PALLD: variants seen among roughly 807,000 people sequenced by gnomAD.
The protein encoded by PALLD is palladin, cytoskeletal associated protein.
Under a neutral mutation model 123.5 loss-of-function variants are expected in PALLD, and 61 were observed. That is an observed-to-expected ratio of 0.49 (90% CI 0.40 to 0.61). The LOEUF (loss-of-function observed/expected upper bound fraction) is 0.61, where lower values mean the gene tolerates loss of function less well. Ranked by LOEUF, PALLD falls within the 20% of genes least tolerant of loss-of-function variation. PALLD has a pLI of 0.00. For synonymous variants in PALLD, 465 were observed against 496.4 expected (o/e 0.94, Z 0.84); for missense variants, 1,273 against 1,377.0 (o/e 0.92, Z 1.20).
chr4:168,654,736 C>A (rs1234795667), intron 2 of PALLD: 1 of 152,256 alleles, frequency 6.6e-6, no homozygotes, highest in Non-Finnish European at 1.5e-5. Context: ...TGCTGCAGCT[C>A]TGCATAACCA....
chr4:168,770,792 C>T (rs1345089191), intron 10 of PALLD, among the ~76,000 whole-genome samples: 1 of 152,200 alleles, frequency 6.6e-6, no homozygotes, highest in Non-Finnish European at 1.5e-5. Context: ...GGCGCCATGG[C>T]TCACCCCTGT....
chr4:168,756,132 T>C (rs960073598), intron 10 of PALLD: 6 of 175,160 alleles, frequency 3.4e-5, no homozygotes, highest in Admixed American at 1.9e-4. Context: ...TGCAGGAGAA[T>C]AGCTCTATTG....
intron 2 of PALLD, among the ~76,000 whole-genome samples, chr4:168,549,430 A>G (rs755077964): frequency 7.9e-5 from 12 of 152,224 alleles, no homozygotes; most frequent in Non-Finnish European, 1.5e-4. Context: ...CAGTTTATAT[A>G]TTTAAATGCT....
At chr4:168,595,168 T>C (rs1711799665) in intron 2 of PALLD, among the ~76,000 whole-genome samples, 1 of 152,180 alleles carries the variant, frequency 6.6e-6, no homozygotes, top group South Asian at 2.1e-4. Flanking sequence ...GGATAAGTTG[T>C]GGTGGGGCCT....
At chr4:168,720,881 G>A (rs1271315901) in intron 10 of PALLD, among the ~76,000 whole-genome samples, 2 of 152,124 alleles carry the variant, frequency 1.3e-5, no homozygotes, top group Non-Finnish European at 1.5e-5. Flanking sequence ...TAACATTTAG[G>A]TGCATTCATC....
chr4:168,920,998 G>T (rs566481677), intron 17 of PALLD, among the ~76,000 whole-genome samples: 2 of 152,006 alleles, frequency 1.3e-5, no homozygotes, highest in Admixed American at 1.3e-4. Context: ...ATCCCATCTC[G>T]GTCTTCTCTA....
intron 2 of PALLD, chr4:168,648,700 A>G (rs1183317406): frequency 1.3e-5 from 2 of 152,236 alleles, no homozygotes; most frequent in African/African-American, 2.4e-5. Flanking sequence ...GGTGGAAGGC[A>G]CTATTGTTGC....
intron 10 of PALLD, among the ~76,000 whole-genome samples, chr4:168,777,593 T>C (rs1397959388): frequency 6.6e-6 from 1 of 152,178 alleles, no homozygotes; most frequent in Non-Finnish European, 1.5e-5. Flanking sequence ...AAGGCCACAA[T>C]ACCCAACTAA....
At chr4:168,619,279 G>T (rs1774520422) in intron 2 of PALLD, among the ~76,000 whole-genome samples, 1 of 152,238 alleles carries the variant, frequency 6.6e-6, no homozygotes, top group South Asian at 2.1e-4. Context: ...CCATGTAAGT[G>T]TGAAGGGGCT....
At chr4:168,786,269 A>T (rs1027430867) in intron 10 of PALLD, among the ~76,000 whole-genome samples, 1 of 152,118 alleles carries the variant, frequency 6.6e-6, no homozygotes, top group Non-Finnish European at 1.5e-5. Flanking sequence ...TAGAAGTTGC[A>T]GTGAGCCGAG....
intron 10 of PALLD, among the ~76,000 whole-genome samples, chr4:168,874,271 T>C (rs1553964309): frequency 6.6e-6 from 1 of 152,174 alleles, no homozygotes; most frequent in Non-Finnish European, 1.5e-5. Context: ...GGACAGTGTT[T>C]TTAGTGTGGT....
intron 10 of PALLD, among the ~76,000 whole-genome samples, chr4:168,777,708 C>T (rs1445044681): frequency 6.6e-6 from 1 of 152,166 alleles, no homozygotes; most frequent in Admixed American, 6.5e-5. Flanking sequence ...GAAAATACTT[C>T]CTCCTCCCAG....
At chr4:168,603,369 A>G (rs928710515) in intron 2 of PALLD, among the ~76,000 whole-genome samples, 3 of 152,214 alleles carry the variant, frequency 2.0e-5, no homozygotes, top group Non-Finnish European at 2.9e-5. Context: ...TATATCATAA[A>G]GTACTTTAAG....
In PALLD at chr4:168,590,538, C is replaced by T. The variant is rs78560116; in HGVS notation, c.909-77652C>T. ...GTATAATAATGGCACAACAAGAATT[C>T]ACTTCTACTTGTATCATCTATTAAA... On this transcript the variant is annotated intron_variant, in intron 2 of 21. Transcript: ENST00000505667. 5.3e-5 allele frequency among the ~76,000 whole-genome samples: 8 copies of T among 152,306 alleles called. No homozygotes were observed. In the East Asian group the frequency reaches 1.4e-3, roughly 26 times the overall value.
At chr4:168,731,757 A>G (rs556883797) in intron 10 of PALLD, among the ~76,000 whole-genome samples, 8 of 152,358 alleles carry the variant, frequency 5.3e-5, no homozygotes, top group South Asian at 2.1e-4. Flanking sequence ...CTGACCAATT[A>G]GAAGTTTTTG....
At chr4:168,753,388 C>G (rs1399222667) in intron 10 of PALLD, among the ~76,000 whole-genome samples, 1 of 151,136 alleles carries the variant, frequency 6.6e-6, no homozygotes, top group Non-Finnish European at 1.5e-5. Context: ...GTCTCTCTCT[C>G]TCCCCCGACC....
intron 11 of PALLD, chr4:168,894,285 A>T: frequency 5.0e-6 from 2 of 403,834 alleles, no homozygotes; most frequent in Non-Finnish European, 9.1e-6. Flanking sequence ...CATGTTTTTC[A>T]TTAAGGACAT....
chr4:168,734,089 C>T (rs113753633), intron 10 of PALLD, among the ~76,000 whole-genome samples: 4 of 152,132 alleles, frequency 2.6e-5, no homozygotes, highest in African/African-American at 9.7e-5. Flanking sequence ...TCCTGAGTAT[C>T]TGAGATATCG....
Position 168,676,852 on chromosome 4 carries a change from T to G in PALLD, c.1088-4480T>G, listed in dbSNP as rs1488727751. Among the ~76,000 whole-genome samples the G allele has an allele frequency of 3.9e-5, 6 of 152,228 alleles. 1 individual carries two copies. The highest frequency in any genetic ancestry group is 4.1e-4 in the South Asian group (2 of 4,822). ...CCTCGGCCTCCCAAAGTGCTGGGATTACAGGTGTGAGCCACCGCGCCCAGC... is the reference window on the plus strand; with the variant it reads ...CCTCGGCCTCCCAAAGTGCTGGGATGACAGGTGTGAGCCACCGCGCCCAGC... On this transcript the variant is annotated intron_variant, in intron 3 of 21. Transcript: ENST00000505667.
Sources: gnomAD v4.1 joint callset for allele counts (sites outside exome capture counted in the v4.1 genomes callset) on GRCh38, gnomAD v4.1.1 for gene constraint, MANE v1.5 for transcripts, NCBI Gene and HGNC (gene_info 2026-07-23, HGNC 2026-07-21) for gene names.